The following PARD3 variants were observed in gnomAD, a reference collection of about 807,000 sequenced individuals.
The protein encoded by PARD3 is partitioning defective 3 homolog.
Under a neutral mutation model 155.4 loss-of-function variants are expected in PARD3, and 75 were observed. The observed-to-expected ratio is 0.48, with a 90% CI of 0.40 to 0.58. PARD3 has a LOEUF of 0.58. PARD3 is among the 20% of genes least tolerant of loss of function. The pLI is 0.00. For missense variants in PARD3, 1,642 were observed against 1,721.7 expected (o/e 0.95, Z 0.82); for synonymous variants, 576 against 610.5 (o/e 0.94, Z 0.83).
rs755522385 is a variant in PARD3, at chr10:34,119,636, C to T, written c.3645G>A (p.Gln1215=). The T allele has an allele frequency of 8.7e-6, 14 of 1,610,064 alleles. No individual in the cohort carries two copies. The highest frequency in any genetic ancestry group is 5.3e-5 in the African/African-American group (4 of 74,884). Residue 1215 remains glutamine (Q), a synonymous_variant, in exon 24 of 25, where the codon CAG becomes CAA. Coordinates refer to ENST00000374788, the MANE Select transcript of PARD3 (RefSeq NM_001184785.2). ...QEERESSQQA[Q]RQYSSLPRQS... Reference sequence around the variant, plus strand: ...ACCGAGGCAGAGAGCTGTACTGGCGCTGGGCCTGCTGGGAGCTCTCGCGCT... The same window carrying T: ...ACCGAGGCAGAGAGCTGTACTGGCGTTGGGCCTGCTGGGAGCTCTCGCGCT...
intron 2 of PARD3, among the ~76,000 whole-genome samples, chr10:34,631,983 T>C (rs1056893369): frequency 9.8e-5 from 15 of 152,298 alleles, no homozygotes; most frequent in Admixed American, 9.8e-4. Flanking sequence ...GATGTTTAAT[T>C]AGAAATATTA....
intron 1 of PARD3, among the ~76,000 whole-genome samples, chr10:34,737,295 C>G (rs557241386): frequency 6.6e-6 from 1 of 152,182 alleles, no homozygotes; most frequent in Non-Finnish European, 1.5e-5. Flanking sequence ...ACTATGTGCT[C>G]AGGCAAGGAA....
chr10:34,713,529 G>A (rs763665930), intron 1 of PARD3, among the ~76,000 whole-genome samples: 2 of 152,250 alleles, frequency 1.3e-5, no homozygotes, highest in South Asian at 2.1e-4. Flanking sequence ...GGAGGCCAAG[G>A]CGGGAGGGTT....
chr10:34,135,319 T>C (rs1253229103), intron 22 of PARD3, among the ~76,000 whole-genome samples: 3 of 152,248 alleles, frequency 2.0e-5, no homozygotes, highest in African/African-American at 7.2e-5. Context: ...TTTCACGTTC[T>C]AACTAAATGA....
intron 22 of PARD3, among the ~76,000 whole-genome samples, chr10:34,192,890 G>A (rs950012080): frequency 1.3e-5 from 2 of 152,112 alleles, no homozygotes; most frequent in Non-Finnish European, 2.9e-5. Flanking sequence ...TATCATGCCC[G>A]CCTCTCTAAG....
chr10:34,131,780 A>C (rs941770097), intron 22 of PARD3, among the ~76,000 whole-genome samples, 197 bp from the exon 23 acceptor site: 2 of 151,960 alleles, frequency 1.3e-5, no homozygotes, highest in Admixed American at 6.6e-5. Flanking sequence ...TTTTAGACAG[A>C]TATTTGAGAG....
intron 2 of PARD3, among the ~76,000 whole-genome samples, chr10:34,524,586 G>A (rs773246994): frequency 2.6e-5 from 4 of 152,090 alleles, no homozygotes; most frequent in South Asian, 2.1e-4. Context: ...ATGCAAATTC[G>A]TATAGCCATC....
chr10:34,368,445 G>A (rs994508687), intron 12 of PARD3, among the ~76,000 whole-genome samples: 3 of 152,054 alleles, frequency 2.0e-5, no homozygotes, highest in African/African-American at 4.8e-5. Context: ...GGCCGAGGCA[G>A]GTGGATCATG....
intron 22 of PARD3, among the ~76,000 whole-genome samples, chr10:34,207,316 C>T (rs906826065): frequency 6.6e-6 from 1 of 152,198 alleles, no homozygotes; most frequent in Non-Finnish European, 1.5e-5. Flanking sequence ...AAAATAAGCA[C>T]AGCAGCAAGT....
At chr10:34,633,338 C>T (rs1001159613) in intron 2 of PARD3, among the ~76,000 whole-genome samples, 1 of 152,038 alleles carries the variant, frequency 6.6e-6, no homozygotes, top group African/African-American at 2.4e-5. Flanking sequence ...ACGATCTCCC[C>T]AACCCCCCTC....
At chr10:34,766,617 C>CAAAAAAAAAA (rs34958448) in intron 1 of PARD3, among the ~76,000 whole-genome samples, 1 of 81,788 alleles carries the variant, frequency 1.2e-5, no homozygotes, top group African/African-American at 4.6e-5. Context: ...ACTTAATTGA[C>CAAAAAAAAAA]AAAAAAAAAA....
chr10:34,608,557 C>T (rs559884113), intron 2 of PARD3, among the ~76,000 whole-genome samples: 8 of 114,012 alleles, frequency 7.0e-5, no homozygotes, highest in Non-Finnish European at 1.0e-4. Context: ...TTTTTTGAGA[C>T]GGAATCTCAC....
At chr10:34,284,543 T>C (rs1349135289) in intron 20 of PARD3, among the ~76,000 whole-genome samples, 1 of 152,202 alleles carries the variant, frequency 6.6e-6, no homozygotes, top group African/African-American at 2.4e-5. Context: ...AAACAATTAA[T>C]ACATCTGTAG....
At chr10:34,344,944 G>C (rs116909749) in intron 15 of PARD3, 2 of 985,394 alleles carry the variant, frequency 2.0e-6, no homozygotes, top group East Asian at 2.3e-4. Flanking sequence ...AAGGTAAGTT[G>C]GCTGGAGTAT....
chr10:34,606,660 A>T, intron 2 of PARD3, among the ~76,000 whole-genome samples: 1 of 131,692 alleles, frequency 7.6e-6, no homozygotes, highest in African/African-American at 3.0e-5. Flanking sequence ...AAAAAAAAAA[A>T]AAGTCTGTCT....
chr10:34,118,406 G>A (rs1001827818), intron 24 of PARD3, among the ~76,000 whole-genome samples: 7 of 152,214 alleles, frequency 4.6e-5, no homozygotes, highest in Non-Finnish European at 8.8e-5. Flanking sequence ...GTGCAGTGGT[G>A]TGATCTCAGC....
At chr10:34,535,045 A>T (rs2083126989) in intron 2 of PARD3, among the ~76,000 whole-genome samples, 1 of 152,162 alleles carries the variant, frequency 6.6e-6, no homozygotes, top group African/African-American at 2.4e-5. Flanking sequence ...TCTATTTTGC[A>T]GACAAATTGT....
intron 20 of PARD3, among the ~76,000 whole-genome samples, chr10:34,300,040 TAC>T (rs778828877): frequency 1.8e-4 from 27 of 152,286 alleles, no homozygotes; most frequent in Non-Finnish European, 3.5e-4. Context: ...GAGTACATCA[TAC>T]ACAGAGTGAC....
At chr10:34,407,205 G>A (rs1589455923) in intron 5 of PARD3, among the ~76,000 whole-genome samples, 2 of 152,196 alleles carry the variant, frequency 1.3e-5, no homozygotes, top group Non-Finnish European at 2.9e-5. Context: ...TGCCTGCCAA[G>A]GGGGTGGAGG....
Sources: gnomAD v4.1 joint callset for allele counts (sites outside exome capture counted in the v4.1 genomes callset) on GRCh38, gnomAD v4.1.1 for gene constraint, MANE v1.5 for transcripts, NCBI Gene and HGNC (gene_info 2026-07-23, HGNC 2026-07-21) for gene names.